The following SLC25A26 variants were observed in gnomAD, a reference collection of about 807,000 sequenced individuals.
SLC25A26 encodes solute carrier family 25 member 26.
A neutral mutation model predicts 37.8 loss-of-function variants in SLC25A26; 36 were observed. The observed-to-expected ratio is 0.95, with a 90% CI of 0.73 to 1.26. The LOEUF is 1.26. SLC25A26 is among the 50% of genes most tolerant of loss of function. SLC25A26 has a pLI of 0.00. For synonymous variants in SLC25A26, 129 were observed against 122.5 expected, an observed-to-expected ratio of 1.05 and a Z score of -0.35; for missense variants, 390 against 331.1, an observed-to-expected ratio of 1.18 and a Z score of -1.38.
rs1487182292 is a variant in SLC25A26, at chr3:66,262,146, A to C, written c.396A>C (p.Leu132Phe). 2 of 1,540,010 alleles carry C rather than the reference A, an allele frequency of 1.3e-6. No homozygotes were observed. The highest frequency in any genetic ancestry group is 1.2e-5 in the South Asian group (1 of 82,700). Residue 132 changes from leucine to phenylalanine, a missense_variant, in exon 4 of 10, where the codon TTA (leucine) becomes TTC (phenylalanine). Coordinates refer to ENST00000354883, the MANE Select transcript of SLC25A26 (RefSeq NM_001379210.1). ...TRTFQIFSNILYEEGIQGLYR... is the reference protein window; with the variant it reads ...TRTFQIFSNIFYEEGIQGLYR... Reference sequence around the variant, plus strand: ...CATTTCAGATTTTCTCTAACATCTTATATGAAGAGGTGAGATGGGTTTTTT... The same window carrying C: ...CATTTCAGATTTTCTCTAACATCTTCTATGAAGAGGTGAGATGGGTTTTTT...
rs1346796503 is a variant in SLC25A26, at chr3:66,236,713, ATTCTCACTTCTG to A, written c.190+15_190+26del. On this transcript the variant is annotated intron_variant, in intron 2 of 9. Coordinates refer to ENST00000354883, the MANE Select transcript of SLC25A26 (RefSeq NM_001379210.1). ...TCCTTTCCTAATGGTAAAAAATTAT[ATTCTCACTTCTG>A]TAAAGCCAAGATAAGATGGGATTTT... 13 of 1,494,962 alleles carry A rather than the reference ATTCTCACTTCTG, an allele frequency of 8.7e-6. No individual in the cohort carries two copies. The highest frequency in any genetic ancestry group is 9.0e-6 in the Non-Finnish European group (10 of 1,116,176). 92.6% of individuals were successfully genotyped at this position (1,494,962 alleles called of 1,614,324 possible). A position where few individuals can be genotyped will look rare whatever the true frequency, so the allele number is the denominator to read the frequency against.
chr3:66,369,386 C>A, intron 7 of SLC25A26, 92 bp from the exon 8 acceptor site: 1 of 1,036,538 alleles, frequency 9.6e-7, no homozygotes, highest in South Asian at 1.4e-5. Context: ...TACATAATGA[C>A]GAAGTGATTT....
intron 1 of SLC25A26, among the ~76,000 whole-genome samples, chr3:66,153,982 G>T (rs1576599230): frequency 1.3e-5 from 2 of 152,156 alleles, no homozygotes; most frequent in Admixed American, 1.3e-4. Context: ...ATAAGATTCC[G>T]TCAGGAGTGC....
chr3:66,190,476 T>C (rs1466590320), intron 1 of SLC25A26, among the ~76,000 whole-genome samples: 1 of 152,192 alleles, frequency 6.6e-6, no homozygotes, highest in Non-Finnish European at 1.5e-5. Context: ...TCACCCAGGC[T>C]AGAGTGCAGT....
upstream of SLC25A26, among the ~76,000 whole-genome samples, chr3:66,220,242 G>T (rs868985850): frequency 2.0e-5 from 3 of 152,276 alleles, no homozygotes; most frequent in African/African-American, 7.2e-5. Flanking sequence ...GACATCATAG[G>T]GTTGGTGAAA....
intron 1 of SLC25A26, among the ~76,000 whole-genome samples, chr3:66,209,067 C>T (rs1404183391): frequency 0.7 from 30,546 of 43,498 alleles, 9,878 homozygotes; most frequent in Middle Eastern, 0.86. Context: ...TATATATATA[C>T]ACACACACAC....
At chr3:66,163,610 A>G (rs2070388556) in intron 1 of SLC25A26, among the ~76,000 whole-genome samples, 1 of 152,084 alleles carries the variant, frequency 6.6e-6, no homozygotes, top group Non-Finnish European at 1.5e-5. Flanking sequence ...TAGGACCAGA[A>G]GAGATGTTAG....
chr3:66,205,232 A>T (rs1163806906), intron 1 of SLC25A26, among the ~76,000 whole-genome samples: 1 of 152,240 alleles, frequency 6.6e-6, no homozygotes, highest in Non-Finnish European at 1.5e-5. Flanking sequence ...CCAATTAGAA[A>T]GAAAAAAGCG....
At chr3:66,200,816 G>A (rs2071098971) in intron 1 of SLC25A26, among the ~76,000 whole-genome samples, 1 of 152,162 alleles carries the variant, frequency 6.6e-6, no homozygotes, top group East Asian at 1.9e-4. Flanking sequence ...ACCTTTGAGA[G>A]TTCATGTTGG....
chr3:66,373,509 T>C (rs1423370780), intron 9 of SLC25A26, among the ~76,000 whole-genome samples: 1 of 152,158 alleles, frequency 6.6e-6, no homozygotes, highest in Non-Finnish European at 1.5e-5. Context: ...TGGGAGAACT[T>C]TGTGGCCAGA....
intron 1 of SLC25A26, among the ~76,000 whole-genome samples, chr3:66,201,930 T>C (rs1404137143): frequency 6.6e-6 from 1 of 151,500 alleles, no homozygotes; most frequent in Non-Finnish European, 1.5e-5. Context: ...GACAAAAGAG[T>C]GAAAGCAGAA....
intron 1 of SLC25A26, among the ~76,000 whole-genome samples, chr3:66,209,243 T>C (rs1315104341): frequency 2.9e-5 from 4 of 139,148 alleles, no homozygotes; most frequent in Non-Finnish European, 6.1e-5. Flanking sequence ...GATATACCCA[T>C]ATAAAGGTGT....
At chr3:66,269,978 TGA>T (rs1008608088) in intron 5 of SLC25A26, among the ~76,000 whole-genome samples, 7 of 152,312 alleles carry the variant, frequency 4.6e-5, no homozygotes, top group African/African-American at 1.7e-4. Context: ...GAGCACTCAG[TGA>T]ATACTTGTCG....
chr3:66,172,844 A>G (rs1268919889), intron 1 of SLC25A26, among the ~76,000 whole-genome samples: 1 of 151,888 alleles, frequency 6.6e-6, no homozygotes, highest in East Asian at 1.9e-4. Context: ...CTGTGTCCAA[A>G]TTTCCCCTTT....
chr3:66,136,807 G>T, intron 1 of SLC25A26, among the ~76,000 whole-genome samples: 1 of 152,132 alleles, frequency 6.6e-6, no homozygotes, highest in East Asian at 1.9e-4. Context: ...TTCAGGACTT[G>T]TTAAGACCTT....
Position 66,168,200 on chromosome 3 carries a change from T to TACACACAC in SLC25A26, c.-354+34226_-354+34233dup, listed in dbSNP as rs562006470. ...ATGTGTGTGTGTATATATATATATA[T>TACACACAC]ACACACACACACACACATATATATC... On this transcript the variant is annotated intron_variant, in intron 1 of 10. Transcript: ENST00000676754. Among the ~76,000 whole-genome samples the TACACACAC allele has an allele frequency of 6.5e-3, 749 of 115,424 alleles. 4 individuals carry two copies. Among genetic ancestry groups the TACACACAC allele is most frequent in the Middle Eastern group, 0.018 (4 of 228 alleles). The allele number at this position is 115,424 out of a possible 152,430, so 75.7% of individuals were successfully genotyped here.
intron 1 of SLC25A26, among the ~76,000 whole-genome samples, chr3:66,209,818 TAC>T (rs1220446390): frequency 0.11 from 13,731 of 124,932 alleles, 1,078 homozygotes; most frequent in East Asian, 0.27. Context: ...GGTGTATCTA[TAC>T]ACACACACAC....
intron 3 of SLC25A26, among the ~76,000 whole-genome samples, chr3:66,246,649 A>G (rs570197178): frequency 1.3e-5 from 2 of 152,306 alleles, no homozygotes; most frequent in South Asian, 4.1e-4. Flanking sequence ...TGGAGATACA[A>G]CAGATAAGGA....
chr3:66,329,477 G>A (rs1481957634), intron 5 of SLC25A26, among the ~76,000 whole-genome samples: 1 of 151,910 alleles, frequency 6.6e-6, no homozygotes, highest in Non-Finnish European at 1.5e-5. Context: ...ATTGTGATCA[G>A]TTTGCTTTTA....
Sources: allele counts gnomAD v4.1 joint callset (sites outside exome capture counted in the v4.1 genomes callset), GRCh38; gene constraint gnomAD v4.1.1; transcripts MANE v1.5; gene names NCBI Gene and HGNC (gene_info 2026-07-23, HGNC 2026-07-21).